The following TJP2 variants were observed in gnomAD, a reference collection of about 807,000 sequenced individuals.
TJP2 encodes tight junction protein 2, also known as Friedreich ataxia region gene X104 (tight junction protein ZO-2).
TJP2 carries 91 observed loss-of-function variants against 133.1 expected under a neutral mutation model. The observed-to-expected ratio is 0.68, with a 90% CI of 0.58 to 0.81. The LOEUF is 0.81. TJP2 is among the 40% of genes least tolerant of loss of function. The pLI, the probability that TJP2 is intolerant of heterozygous loss-of-function variation, is 0.00. For missense variants in TJP2, 1,541 were observed against 1,565.6 expected (o/e 0.98, Z 0.26); for synonymous variants, 592 against 583.4 (o/e 1.01, Z -0.21).
intron 1 of TJP2, among the ~76,000 whole-genome samples, chr9:69,195,296 G>A (rs953223122): frequency 1.4e-4 from 21 of 152,080 alleles, no homozygotes; most frequent in African/African-American, 4.8e-4. Context: ...TGCCAAATTA[G>A]CACCTTCCTT....
rs182039283 is a variant in TJP2 at position 69,199,446 on chromosome 9, C to T, written c.61-13102C>T. On this transcript the variant is annotated intron_variant, in intron 1 of 22. Transcript: ENST00000377245. ...CTCCGGGGCTGAGGCAGGAGGACCGCTTGAGCCCAGGAGGTTGAGGCTGCA... is the reference window on the plus strand; with the variant it reads ...CTCCGGGGCTGAGGCAGGAGGACCGTTTGAGCCCAGGAGGTTGAGGCTGCA... 3.1e-3 allele frequency among the ~76,000 whole-genome samples: 466 copies of T among 152,250 alleles called. 5 individuals carry two copies. Among genetic ancestry groups the T allele is most frequent in the African/African-American group, 0.011 (437 of 41,550 alleles).
At chr9:69,216,576 T>TA in intron 3 of TJP2, 113 bp downstream of exon 3, 1 of 1,170,088 alleles carries the variant, frequency 8.5e-7, no homozygotes, top group Non-Finnish European at 1.2e-6. Flanking sequence ...TAACAAACTT[T>TA]TATATAATAT....
chr9:69,175,852 G>A (rs1013576018), intron 1 of TJP2, among the ~76,000 whole-genome samples: 1 of 152,080 alleles, frequency 6.6e-6, no homozygotes, highest in Non-Finnish European at 1.5e-5. Flanking sequence ...TTTCTTTTCA[G>A]AGCTACTTAT....
chr9:69,187,208 T>C (rs1381096454), intron 1 of TJP2, among the ~76,000 whole-genome samples: 2 of 152,196 alleles, frequency 1.3e-5, no homozygotes, highest in Non-Finnish European at 2.9e-5. Flanking sequence ...GGGAAAAACA[T>C]CTCATTTGGC....
At chr9:69,235,920 A>G (rs1048404474) in intron 12 of TJP2, 108 bp from the exon 13 acceptor site, 9 of 1,037,552 alleles carry the variant, frequency 8.7e-6, no homozygotes, top group Non-Finnish European at 3.0e-6. Context: ...TGTGCACTGA[A>G]TGGAAGGAAG....
chr9:69,168,900 T>C (rs1309865411), intron 2 of TJP2, among the ~76,000 whole-genome samples: 1 of 149,950 alleles, frequency 6.7e-6, no homozygotes, highest in Non-Finnish European at 1.5e-5. Context: ...CTGGAGGTAA[T>C]CACAGGGGCC....
At chr9:69,252,323 G>A (rs925710701) in intron 21 of TJP2, among the ~76,000 whole-genome samples, 13 of 152,112 alleles carry the variant, frequency 8.5e-5, no homozygotes, top group African/African-American at 2.7e-4. Flanking sequence ...TCGGTTCAGC[G>A]GCATTAAGTA....
intron 1 of TJP2, among the ~76,000 whole-genome samples, chr9:69,178,248 T>C (rs967085217): frequency 7.2e-5 from 11 of 152,194 alleles, no homozygotes; most frequent in Admixed American, 2.0e-4. Flanking sequence ...TTACAGGTGG[T>C]GCAGAGAGAT....
rs1238490816 is a variant in TJP2 at position 69,236,103 on chromosome 9, C to T, written c.1856C>T (p.Thr619Ile). The T allele has an allele frequency of 6.2e-7, 1 of 1,614,050 alleles. No individual in the cohort carries two copies. Among genetic ancestry groups the T allele is most frequent in the African/African-American group, 1.3e-5 (1 of 74,914 alleles). Residue 619 changes from threonine to isoleucine, a missense_variant, in exon 13 of 23, where the codon ACT (threonine) becomes ATT (isoleucine). Transcript: ENST00000377245. ...IRSHFECEKE[T>I]PQSLAFTRGE... ...AGCCACTTTGAATGTGAGAAGGAAA[C>T]TCCACAGAGCCTGGCCTTCACCAGA...
At chr9:69,242,168 C>T (rs1417918848) in intron 17 of TJP2, among the ~76,000 whole-genome samples, 1 of 152,194 alleles carries the variant, frequency 6.6e-6, no homozygotes, top group Non-Finnish European at 1.5e-5. Flanking sequence ...TGGGGCTCTC[C>T]CTTGATCTAA....
At position 69,136,559 on chromosome 9, in the gene TJP2, A is replaced by G. The variant is rs545722747; in HGVS notation, c.-131+14834A>G. Among the ~76,000 whole-genome samples, 9 of 152,362 alleles carry G rather than the reference A, an allele frequency of 5.9e-5. No individual in the cohort carries two copies. In the East Asian group the frequency reaches 1.7e-3, roughly 29 times the overall value. The stretch of plus-strand genomic sequence containing the variant: ...TTTTTTTTTAGCTAAAAATAAATGT[A>G]GATGATTTGGAAATATTTTACAGGA... On this transcript the variant is annotated intron_variant, in intron 1 of 5. Coordinates refer to the TJP2 transcript ENST00000423935.
chr9:69,162,261 G>A (rs1277543348), intron 2 of TJP2, among the ~76,000 whole-genome samples: 1 of 150,320 alleles, frequency 6.7e-6, no homozygotes, highest in Non-Finnish European at 1.5e-5. Flanking sequence ...AATATTGTAA[G>A]ATTTAAAATT....
intron 19 of TJP2, chr9:69,248,719 C>T: frequency 1.0e-6 from 1 of 998,318 alleles, no homozygotes; most frequent in Non-Finnish European, 1.2e-6. Flanking sequence ...ATCAAACCTT[C>T]ATCTGATCAC....
At chr9:69,221,580 G>A (rs1047820045) in intron 5 of TJP2, 84 bp downstream of exon 5, 22 of 1,514,418 alleles carry the variant, frequency 1.5e-5, no homozygotes, top group Non-Finnish European at 1.7e-5. Flanking sequence ...TCCCCCGAAA[G>A]TGTTGCTCTG....
chr9:69,249,668 A>G (rs1438267751), intron 20 of TJP2, 183 bp downstream of exon 20: 1 of 985,336 alleles, frequency 1.0e-6, no homozygotes, highest in Non-Finnish European at 1.2e-6. Flanking sequence ...GGGAAGGGCA[A>G]AAAGGAAGGA....
chr9:69,204,921 G>A (rs755913558), intron 1 of TJP2: 17 of 1,246,440 alleles, frequency 1.4e-5, no homozygotes, highest in Non-Finnish European at 1.7e-5. Flanking sequence ...GAGAGAGGGA[G>A]AGAAAGAAAG....
chr9:69,214,177 C>T (rs1170297551), intron 2 of TJP2, among the ~76,000 whole-genome samples: 1 of 152,030 alleles, frequency 6.6e-6, no homozygotes, highest in Non-Finnish European at 1.5e-5. Flanking sequence ...CCTTCACCTC[C>T]TAGGTTCAAG....
At position 69,248,050 on chromosome 9, in the gene TJP2, C is replaced by G. The variant is rs145703764; in HGVS notation, c.2706C>G (p.Ser902=). ...GMDDDPEDRM[S]YLTAMGADYL... ...ATGATGACCCCGAAGACCGCATGTC[C>G]TACTTAACCGCCATGGGCGCGGACT... The change falls in exon 19 of 23, where the codon TCC becomes TCG. Residue 902 remains serine (S), a synonymous_variant. Coordinates refer to ENST00000377245, the MANE Select transcript of TJP2 (RefSeq NM_004817.4). 18 of 1,613,548 alleles carry G rather than the reference C, an allele frequency of 1.1e-5. No homozygotes were observed. Among genetic ancestry groups the G allele is most frequent in the Admixed American group, 1.7e-5 (1 of 59,986 alleles).
intron 2 of TJP2, among the ~76,000 whole-genome samples, chr9:69,162,795 C>T (rs1824149837): frequency 6.6e-6 from 1 of 152,170 alleles, no homozygotes; most frequent in Non-Finnish European, 1.5e-5. Flanking sequence ...CAGTAGTTGG[C>T]TCTGGATGGT....
Sources: gnomAD v4.1 joint callset for allele counts (sites outside exome capture counted in the v4.1 genomes callset) on GRCh38, gnomAD v4.1.1 for gene constraint, MANE v1.5 for transcripts, NCBI Gene and HGNC (gene_info 2026-07-23, HGNC 2026-07-21) for gene names.